HEXB: variants seen among roughly 807,000 people sequenced by gnomAD.
HEXB encodes the protein hexosaminidase subunit beta, also known as beta-hexosaminidase subunit beta.
HEXB carries 51 observed loss-of-function variants against 71.2 expected under a neutral mutation model. That is an observed-to-expected ratio of 0.72 (90% CI 0.57 to 0.90). HEXB has a LOEUF of 0.90. Among genes scored for constraint, HEXB ranks in the 40% least tolerant of loss-of-function variants. The pLI, the probability that HEXB is intolerant of heterozygous loss-of-function variation, is 0.00. For synonymous variants in HEXB, 266 were observed against 249.3 expected (o/e 1.07, Z -0.63); for missense variants, 617 against 677.0 (o/e 0.91, Z 0.98).
At chr5:74,714,099 T>G (rs1208656531) in intron 7 of HEXB, among the ~76,000 whole-genome samples, 1 of 152,160 alleles carries the variant, frequency 6.6e-6, no homozygotes, top group African/African-American at 2.4e-5. Flanking sequence ...CCTCCCAAAG[T>G]GTTGGGATTA....
intron 1 of HEXB, among the ~76,000 whole-genome samples, chr5:74,664,784 G>T (rs1292653061): frequency 2.0e-5 from 3 of 152,226 alleles, no homozygotes; most frequent in African/African-American, 4.8e-5. Context: ...AAGTTAAGAG[G>T]CAAGTATCAA....
intron 1 of HEXB, chr5:74,640,990 A>G (rs1014262085): frequency 6.6e-6 from 1 of 152,294 alleles, no homozygotes; most frequent in South Asian, 2.1e-4. Flanking sequence ...AGCCGCTGGC[A>G]GCTGCAACCC....
At position 74,721,243 on chromosome 5, in the gene HEXB, T is replaced by G; in HGVS notation, c.*68T>G. The G allele has an allele frequency of 8.1e-7, 1 of 1,231,446 alleles. No individual in the cohort carries two copies. Among genetic ancestry groups the G allele is most frequent in the South Asian group, 1.2e-5 (1 of 82,646 alleles). 76.3% of individuals were successfully genotyped at this position (1,231,446 alleles called of 1,614,324 possible). A position where few individuals can be genotyped will look rare whatever the true frequency, so the allele number is the denominator to read the frequency against. On this transcript the variant is annotated 3_prime_UTR_variant, in exon 14 of 14. Coordinates refer to ENST00000261416, the MANE Select transcript of HEXB (RefSeq NM_000521.4). Reference sequence around the variant, plus strand: ...AACTTTATTTTGAAATCATGTAAAATAAGATATTAGACTGTTTTTTGAATA... The same window carrying G: ...AACTTTATTTTGAAATCATGTAAAAGAAGATATTAGACTGTTTTTTGAATA...
intron 2 of HEXB, among the ~76,000 whole-genome samples, chr5:74,692,334 C>CAA (rs916578254): frequency 2.5e-4 from 13 of 52,420 alleles, no homozygotes; most frequent in Admixed American, 8.7e-4. Context: ...CCTGTCTCTA[C>CAA]AAAAAAAAAA....
intron 1 of HEXB, among the ~76,000 whole-genome samples, chr5:74,669,937 A>G (rs1397689548): frequency 6.6e-6 from 1 of 152,216 alleles, no homozygotes; most frequent in Admixed American, 6.5e-5. Flanking sequence ...GTGCAATACC[A>G]TAAGTGATAT....
At chr5:74,714,867 AC>A (rs1749634927) in intron 7 of HEXB, among the ~76,000 whole-genome samples, 1 of 152,204 alleles carries the variant, frequency 6.6e-6, no homozygotes, top group South Asian at 2.1e-4. Context: ...TCATCAGGAC[AC>A]ACTGGAAACC....
chr5:74,682,126 A>G (rs929981185), upstream of HEXB, among the ~76,000 whole-genome samples: 1 of 152,264 alleles, frequency 6.6e-6, no homozygotes, highest in African/African-American at 2.4e-5. Context: ...TGGGAGGCCG[A>G]GACGGGCAGA....
In HEXB at chr5:74,718,324, A is replaced by G; in HGVS notation, c.1203A>G (p.Gly401=). 1.2e-6 allele frequency: 2 copies of G among 1,612,426 alleles called. No individual in the cohort carries two copies. The highest frequency in any genetic ancestry group is 1.7e-6 in the Non-Finnish European group (2 of 1,178,464). ...VLDIIATINK[G]SIVWQEVFDD... ...ATATTATTGCAACCATAAACAAGGG[A>G]TCCATTGTCTGGCAGGAGGTTTTTG... is the stretch of plus-strand genomic sequence containing the variant. Residue 401 remains glycine (G), a synonymous_variant, in exon 10 of 14, where the codon GGA becomes GGG. Transcript: ENST00000261416.
At chr5:74,676,230 C>T (rs1290408180) in intron 1 of HEXB, among the ~76,000 whole-genome samples, 1 of 152,072 alleles carries the variant, frequency 6.6e-6, no homozygotes, top group Non-Finnish European at 1.5e-5. Context: ...TTATTTGGGC[C>T]AAGCTTGAGT....
At chr5:74,693,791 G>C in intron 3 of HEXB, 87 bp downstream of exon 3, 2 of 925,266 alleles carry the variant, frequency 2.2e-6, no homozygotes, top group South Asian at 2.6e-5. Flanking sequence ...GCAAAACTTT[G>C]CCGCCTTAGA....
At position 74,705,226 on chromosome 5, in the gene HEXB, T is replaced by C; in HGVS notation, c.677T>C (p.Met226Thr). The C allele has an allele frequency of 1.3e-6, 2 of 1,597,930 alleles. No individual in the cohort carries two copies. Among genetic ancestry groups the C allele is most frequent in the Non-Finnish European group, 1.7e-6 (2 of 1,165,400 alleles). Residue 226 changes from methionine to threonine, a missense_variant, in exon 6 of 14, where the codon ATG becomes ACG. Transcript: ENST00000261416. Reference protein sequence around the residue: ...VKIILKTLDAMAFNKFNVLHW... With the variant: ...VKIILKTLDATAFNKFNVLHW... Reference sequence around the variant, plus strand: ...AAATATGTTTGCTTGCAGGATGCCATGGCTTTTAATAAGTTTAATGTTCTT... The same window carrying C: ...AAATATGTTTGCTTGCAGGATGCCACGGCTTTTAATAAGTTTAATGTTCTT...
chr5:74,665,523 A>G (rs1241882675), intron 1 of HEXB, among the ~76,000 whole-genome samples: 1 of 152,160 alleles, frequency 6.6e-6, no homozygotes, highest in Non-Finnish European at 1.5e-5. Flanking sequence ...CACACATGTT[A>G]AAAACATCTT....
chr5:74,642,506 A>G (rs1747920224), intron 1 of HEXB, among the ~76,000 whole-genome samples: 1 of 152,126 alleles, frequency 6.6e-6, no homozygotes, highest in Admixed American at 6.6e-5. Flanking sequence ...TTTTTAAAAC[A>G]TGTTTCTGTA....
At chr5:74,696,467 T>C (rs1222381003) in intron 3 of HEXB, among the ~76,000 whole-genome samples, 1 of 152,178 alleles carries the variant, frequency 6.6e-6, no homozygotes, top group African/African-American at 2.4e-5. Flanking sequence ...AAAGCACTTT[T>C]ATTAGATGAG....
At chr5:74,687,706 T>C (rs1429352362) in intron 1 of HEXB, among the ~76,000 whole-genome samples, 1 of 152,150 alleles carries the variant, frequency 6.6e-6, no homozygotes, top group Non-Finnish European at 1.5e-5. Context: ...AAGGAAAAAA[T>C]ACACATAACA....
intron 5 of HEXB, among the ~76,000 whole-genome samples, chr5:74,702,890 TTA>T (rs1220792512): frequency 6.6e-6 from 1 of 152,250 alleles, no homozygotes; most frequent in African/African-American, 2.4e-5. Context: ...TTCGTTATTT[TTA>T]TCAGTGTGGA....
intron 6 of HEXB, among the ~76,000 whole-genome samples, chr5:74,711,425 A>G (rs1580393641): frequency 6.6e-6 from 1 of 151,950 alleles, no homozygotes; most frequent in African/African-American, 2.4e-5. Context: ...AAAAGCCAAA[A>G]TTGACAAATG....
At chr5:74,704,389 T>C (rs1016848176) in intron 5 of HEXB, among the ~76,000 whole-genome samples, 3 of 152,100 alleles carry the variant, frequency 2.0e-5, no homozygotes, top group East Asian at 1.9e-4. Context: ...CTTTTAAAAA[T>C]AGTGTTTATA....
At chr5:74,716,695 T>C (rs1749680720) in intron 9 of HEXB, 22 bp downstream of exon 9, 1 of 1,399,766 alleles carries the variant, frequency 7.1e-7, no homozygotes. Context: ...GAAAGCCTAT[T>C]TCTGTATTAA....
Sources: allele counts gnomAD v4.1 joint callset (sites outside exome capture counted in the v4.1 genomes callset), GRCh38; gene constraint gnomAD v4.1.1; transcripts MANE v1.5; gene names NCBI Gene and HGNC (gene_info 2026-07-23, HGNC 2026-07-21).